The following XIST variants were observed in gnomAD, a reference collection of about 807,000 sequenced individuals.
XIST encodes the protein X inactive specific transcript, also known as X inactive specific transcript (non-protein coding).
At chrX:73,829,122 G>A in exon 5 of XIST, 1 of 558,680 alleles carries the variant, frequency 1.8e-6, no homozygotes, top group South Asian at 2.2e-5. Flanking sequence ...CTTCAGGTGG[G>A]AAGGCTGACT....
intron 1 of XIST, among the ~76,000 whole-genome samples, chrX:73,839,072 C>T (rs758121817): frequency 5.7e-4 from 64 of 111,547 alleles, no homozygotes; most frequent in Non-Finnish European, 9.8e-4. Flanking sequence ...AATATTTTAG[C>T]AGTCAACAAA....
exon 1 of XIST, chrX:73,849,573 T>C (rs756022077): frequency 6.8e-5 from 38 of 556,230 alleles, no homozygotes; most frequent in East Asian, 2.3e-4. Context: ...AATGCTCTGA[T>C]AGAAAGCTCT....
exon 1 of XIST, chrX:73,846,448 T>C (rs1240960887): frequency 1.8e-6 from 1 of 558,066 alleles, no homozygotes; most frequent in Non-Finnish European, 3.2e-6. Context: ...CAGACGATTA[T>C]AATCACACAC....
At chrX:73,847,090 G>A in exon 1 of XIST, 2 of 559,246 alleles carry the variant, frequency 3.6e-6, no homozygotes, top group South Asian at 2.2e-5. Flanking sequence ...ACTAGTCTAA[G>A]GGTCTTAAGT....
chrX:73,848,945 T>C (rs751984419), exon 1 of XIST: 1 of 555,522 alleles, frequency 1.8e-6, no homozygotes, highest in Non-Finnish European at 3.2e-6. Flanking sequence ...GAACCATGAA[T>C]AATTACTATT....
chrX:73,823,326 T>A (rs1480616315), exon 6 of XIST: 4 of 470,741 alleles, frequency 8.5e-6, no homozygotes, highest in Non-Finnish European at 1.5e-5. Flanking sequence ...TTTTTTTTTT[T>A]AATCTCAAAG....
chrX:73,839,921 T>C (rs1470762932), intron 1 of XIST, among the ~76,000 whole-genome samples: 1 of 110,472 alleles, frequency 9.1e-6, no homozygotes, highest in Non-Finnish European at 1.9e-5. Context: ...ATTATAATTG[T>C]ATGTTGACAA....
exon 6 of XIST, chrX:73,822,545 C>T (rs1813764467): frequency 2.0e-6 from 1 of 511,969 alleles, no homozygotes; most frequent in Middle Eastern, 3.2e-4. Context: ...TAACCTTTCT[C>T]CTATATTCTA....
At chrX:73,852,343 A>G in exon 1 of XIST, 3 of 546,008 alleles carry the variant, frequency 5.5e-6, no homozygotes, top group African/African-American at 2.2e-5. Flanking sequence ...CGTTGGGCAA[A>G]GAAAAAATAA....
chrX:73,826,822 AC>A, exon 6 of XIST: 1 of 556,792 alleles, frequency 1.8e-6, no homozygotes, highest in Non-Finnish European at 3.2e-6. Context: ...TCCAGCTACA[AC>A]CCTGGGCTAA....
exon 1 of XIST, chrX:73,849,909 C>CGGGGTGGGAG: frequency 1.9e-6 from 1 of 528,980 alleles, no homozygotes; most frequent in East Asian, 3.4e-5. Flanking sequence ...AGGGCTGGGG[C>CGGGGTGGGAG]TAGACTAGGG....
At chrX:73,844,497 A>G (rs761243767) in exon 1 of XIST, 42 of 556,174 alleles carry the variant, frequency 7.6e-5, no homozygotes, top group Non-Finnish European at 1.2e-4. Flanking sequence ...ACTTTATTCA[A>G]ATAGGATAAG....
At chrX:73,822,468 T>C (rs1460859651) in exon 6 of XIST, 3 of 512,791 alleles carry the variant, frequency 5.9e-6, no homozygotes, top group South Asian at 4.9e-5. Flanking sequence ...AAAAACCTTA[T>C]ACCAAGTACC....
exon 5 of XIST, chrX:73,829,102 G>A (rs986479034): frequency 1.8e-6 from 1 of 556,773 alleles, no homozygotes; most frequent in African/African-American, 2.2e-5. Flanking sequence ...AGAGTGCCAG[G>A]CATGTTGATC....
exon 6 of XIST, chrX:73,821,337 G>C: frequency 3.6e-6 from 2 of 552,725 alleles, no homozygotes. Context: ...TTGAATGTAT[G>C]AACTACAATG....
chrX:73,827,604 T>G (rs768188002), exon 6 of XIST: 1 of 546,396 alleles, frequency 1.8e-6, no homozygotes, highest in East Asian at 3.3e-5. Context: ...AGAAAAAAGG[T>G]GAAATTTAAA....
At position 73,827,190 on chromosome X, in the gene XIST, T is replaced by C. The variant is rs769163114; in HGVS notation, n.12711A>G. The C allele has an allele frequency of 4.0e-5, 22 of 556,577 alleles. No individual in the cohort carries two copies. In the East Asian group the frequency reaches 7.2e-4, roughly 18 times the overall value. 45.9% of individuals were successfully genotyped at this position (556,577 alleles called of 1,213,427 possible). A position where few individuals can be genotyped will look rare whatever the true frequency, so the allele number is the denominator to read the frequency against. On this transcript the variant is annotated non_coding_transcript_exon_variant, in exon 6 of 6. Coordinates refer to ENST00000429829, the Ensembl canonical transcript of XIST. ...TGTTTTGGTCTTGGATCATCTCACATGGCAGCCTGGCATAAGGAACCGCTC... is the reference window on the plus strand; with the variant it reads ...TGTTTTGGTCTTGGATCATCTCACACGGCAGCCTGGCATAAGGAACCGCTC...
exon 1 of XIST, chrX:73,847,731 G>T: frequency 1.8e-6 from 1 of 555,972 alleles, no homozygotes. Flanking sequence ...AAGAGTCATG[G>T]ATAATTAGAA....
chrX:73,834,570 C>T (rs917249654), intron 2 of XIST, among the ~76,000 whole-genome samples: 2 of 112,191 alleles, frequency 1.8e-5, no homozygotes, highest in Non-Finnish European at 3.8e-5. Flanking sequence ...TTTGAGAATC[C>T]GTCATCTTGC....
Sources: allele counts gnomAD v4.1 joint callset (sites outside exome capture counted in the v4.1 genomes callset), GRCh38; gene constraint gnomAD v4.1.1; transcripts MANE v1.5; gene names NCBI Gene and HGNC (gene_info 2026-07-23, HGNC 2026-07-21).